CHUK: variants seen among roughly 807,000 people sequenced by gnomAD.
CHUK encodes the protein component of inhibitor of nuclear factor kappa B kinase complex.
A neutral mutation model predicts 104.8 loss-of-function variants in CHUK; 35 were observed. The observed-to-expected ratio is 0.33, with a 90% CI of 0.26 to 0.44. CHUK has a LOEUF of 0.44. Ranked by LOEUF, CHUK falls within the 20% of genes least tolerant of loss-of-function variation. The pLI, the probability that CHUK is intolerant of heterozygous loss-of-function variation, is 1.00. For synonymous variants in CHUK, 276 were observed against 291.9 expected (o/e 0.95, Z 0.56); for missense variants, 663 against 902.7 (o/e 0.73, Z 3.40).
intron 11 of CHUK, among the ~76,000 whole-genome samples, chr10:100,205,992 T>C (rs1282019452): frequency 6.6e-6 from 1 of 152,160 alleles, no homozygotes; most frequent in African/African-American, 2.4e-5. Context: ...TACAAAATAC[T>C]TGACTAGTAT....
chr10:100,201,229 A>G (rs1845454916), intron 14 of CHUK, among the ~76,000 whole-genome samples: 1 of 152,126 alleles, frequency 6.6e-6, no homozygotes, highest in African/African-American at 2.4e-5. Context: ...ATCCCCACCC[A>G]CATCCTCAGG....
At chr10:100,224,794 T>C (rs375814037) in intron 2 of CHUK, among the ~76,000 whole-genome samples, 3 of 152,136 alleles carry the variant, frequency 2.0e-5, no homozygotes, top group African/African-American at 7.2e-5. Flanking sequence ...AAAACACACA[T>C]AGCATAAAAT....
chr10:100,208,118 T>G (rs1038740301), intron 10 of CHUK, among the ~76,000 whole-genome samples: 1 of 152,130 alleles, frequency 6.6e-6, no homozygotes, highest in African/African-American at 2.4e-5. Context: ...AGAAATTTTT[T>G]TTTTTGAGAC....
rs1273388989 is a variant in CHUK, at chr10:100,229,515, C to A, written c.18G>T (p.Gly6=). MERPP[G]LRPGAGGPWE... ...AGGGCCCGCCCGCGCCCGGCCGCAG[C>A]CCCGGGGGCCGCTCCATGGGGCGGG... The change falls in exon 1 of 21, where the codon GGG becomes GGT. Residue 6 remains glycine (G), a synonymous_variant. Coordinates refer to ENST00000370397, the MANE Select transcript of CHUK (RefSeq NM_001278.5). 8.4e-6 allele frequency: 13 copies of A among 1,552,602 alleles called. No individual in the cohort carries two copies. The highest frequency in any genetic ancestry group is 2.4e-5 in the East Asian group (1 of 41,876).
intron 13 of CHUK, among the ~76,000 whole-genome samples, chr10:100,203,389 A>G (rs1845515067): frequency 6.6e-6 from 1 of 151,780 alleles, no homozygotes; most frequent in Non-Finnish European, 1.5e-5. Flanking sequence ...ATGTTTTATC[A>G]CTCACCAGAA....
intron 9 of CHUK, among the ~76,000 whole-genome samples, chr10:100,211,890 T>TTTC (rs1845736902): frequency 5.3e-5 from 8 of 152,094 alleles, no homozygotes; most frequent in Admixed American, 5.2e-4. Flanking sequence ...TTTTTTTTTT[T>TTTC]TTTCTTTTGA....
chr10:100,196,810 T>G (rs1845342371), intron 16 of CHUK, among the ~76,000 whole-genome samples: 1 of 152,182 alleles, frequency 6.6e-6, no homozygotes, highest in Non-Finnish European at 1.5e-5. Context: ...CCATTTCAGT[T>G]AACCTCACTT....
intron 8 of CHUK, among the ~76,000 whole-genome samples, chr10:100,218,378 A>C (rs555752064): frequency 6.6e-6 from 1 of 152,364 alleles, no homozygotes; most frequent in Non-Finnish European, 1.5e-5. Context: ...CATTCTGCAA[A>C]TAACCCATTT....
At chr10:100,219,183 T>C (rs1564840017) in intron 6 of CHUK, 51 bp from the exon 7 acceptor site, 1 of 1,599,884 alleles carries the variant, frequency 6.3e-7, no homozygotes, top group Non-Finnish European at 8.6e-7. Flanking sequence ...GAAAAGCTAC[T>C]TTATTTTTGA....
chr10:100,187,353 A>G (rs1845064684), downstream of CHUK: 1 of 152,246 alleles, frequency 6.6e-6, no homozygotes, highest in Non-Finnish European at 1.5e-5. Flanking sequence ...AAGACTTCCC[A>G]GACCACTCTA....
chr10:100,196,987 T>C (rs1386061615), intron 16 of CHUK, among the ~76,000 whole-genome samples: 2 of 152,152 alleles, frequency 1.3e-5, no homozygotes, highest in African/African-American at 4.8e-5. Context: ...TTCAGGGACC[T>C]CCCTCTCCAC....
intron 20 of CHUK, 80 bp downstream of exon 20, chr10:100,190,789 C>G: frequency 2.4e-6 from 2 of 833,428 alleles, no homozygotes; most frequent in Non-Finnish European, 4.3e-6. Context: ...TCCCAAATGC[C>G]AGATAAGGCT....
In CHUK at chr10:100,193,518, C is replaced by G. The variant is rs76731979; in HGVS notation, c.1975-87G>C. The G allele has an allele frequency of 0.047, 69,923 of 1,483,672 alleles. 2,005 individuals are homozygous for G. The highest frequency in any genetic ancestry group is 0.059 in the Non-Finnish European group (62,679 of 1,069,128). The allele number at this position is 1,483,672 out of a possible 1,614,324, so 91.9% of individuals were successfully genotyped here. Reference sequence around the variant, plus strand: ...TTTCTTATCATATTCCTAAGACTTACATTTCCGTTACTACTTATATGCACA... The same window carrying G: ...TTTCTTATCATATTCCTAAGACTTAGATTTCCGTTACTACTTATATGCACA... On this transcript the variant is annotated intron_variant, in intron 18 of 20. Transcript: ENST00000370397.
intron 2 of CHUK, among the ~76,000 whole-genome samples, chr10:100,225,664 G>A (rs1673606752): frequency 6.6e-6 from 1 of 152,160 alleles, no homozygotes; most frequent in Middle Eastern, 3.4e-3. Flanking sequence ...AATTTTTTAG[G>A]AATCACCGTA....
At chr10:100,192,640 G>A (rs1023798139) in intron 19 of CHUK, 14 of 986,146 alleles carry the variant, frequency 1.4e-5, no homozygotes, top group Non-Finnish European at 1.7e-5. Context: ...TGAGAAAAGC[G>A]ACAATACACA....
chr10:100,205,050 G>A (rs1845558649), intron 12 of CHUK, 26 bp downstream of exon 12: 5 of 1,613,396 alleles, frequency 3.1e-6, no homozygotes, highest in Middle Eastern at 1.6e-4. Context: ...ATTGCATTGT[G>A]CTTATAAACA....
intron 16 of CHUK, among the ~76,000 whole-genome samples, chr10:100,199,477 C>A (rs1845413206): frequency 6.6e-6 from 1 of 152,190 alleles, no homozygotes; most frequent in Non-Finnish European, 1.5e-5. Flanking sequence ...CAGGCACATG[C>A]CAACATGCCC....
At chr10:100,207,667 G>A (rs750861439) in intron 10 of CHUK, among the ~76,000 whole-genome samples, 31 of 152,182 alleles carry the variant, frequency 2.0e-4, no homozygotes, top group Non-Finnish European at 8.8e-5. Context: ...AGTAAAAAAA[G>A]TCAGACACAA....
chr10:100,207,452 T>C, intron 10 of CHUK, 120 bp from the exon 11 acceptor site: 1 of 648,916 alleles, frequency 1.5e-6, no homozygotes, highest in Non-Finnish European at 2.8e-6. Context: ...TCAATGTGTA[T>C]TACCATATCT....
Sources: gnomAD v4.1 joint callset for allele counts (sites outside exome capture counted in the v4.1 genomes callset) on GRCh38, gnomAD v4.1.1 for gene constraint, MANE v1.5 for transcripts, NCBI Gene and HGNC (gene_info 2026-07-23, HGNC 2026-07-21) for gene names.